The following CNTNAP4 variants were observed in gnomAD, a reference collection of about 807,000 sequenced individuals.
The protein encoded by CNTNAP4 is contactin associated protein family member 4, also known as contactin-associated protein-like 4.
CNTNAP4 carries 98 observed loss-of-function variants against 148.4 expected under a neutral mutation model. That is an observed-to-expected ratio of 0.66 (90% confidence interval 0.56 to 0.78). The LOEUF is 0.78. Among genes scored for constraint, CNTNAP4 ranks in the 30% least tolerant of loss-of-function variants. The pLI is 0.00. For synonymous variants in CNTNAP4, 730 were observed against 565.1 expected, an observed-to-expected ratio of 1.29 and a Z score of -4.14; for missense variants, 1,935 against 1,565.6, an observed-to-expected ratio of 1.24 and a Z score of -3.98.
At chr16:76,394,442 G>C (rs2078128834) in intron 3 of CNTNAP4, among the ~76,000 whole-genome samples, 1 of 152,092 alleles carries the variant, frequency 6.6e-6, no homozygotes, top group East Asian at 1.9e-4. Flanking sequence ...TGCATTTACT[G>C]GTATTGAATT....
In CNTNAP4 at chr16:76,475,930, T is replaced by A. The variant is rs750647612; in HGVS notation, c.1656-9T>A. 2.5e-6 allele frequency: 4 copies of A among 1,605,982 alleles called. No individual in the cohort carries two copies. The South Asian group carries it at 3.3e-5, about 13-fold the overall frequency. On this transcript the variant is annotated splice_polypyrimidine_tract_variant and intron_variant, in intron 10 of 23. Transcript: ENST00000611870. ...GGAAACTGGTGATTGTATCTGCACC[T>A]TCTTTTAGGTGTTTGCCCAACTATT...
chr16:76,461,658 C>T (rs923835291), intron 8 of CNTNAP4, among the ~76,000 whole-genome samples: 2 of 152,102 alleles, frequency 1.3e-5, no homozygotes, highest in African/African-American at 4.8e-5. Context: ...AATTCCTAAA[C>T]CCTTCCTCCC....
chr16:76,514,786 C>T (rs1304681438), intron 15 of CNTNAP4, among the ~76,000 whole-genome samples: 5 of 151,922 alleles, frequency 3.3e-5, no homozygotes, highest in African/African-American at 1.2e-4. Flanking sequence ...ATTATGAAAC[C>T]AATACATAGG....
chr16:76,410,854 T>G (rs2078767882), intron 3 of CNTNAP4, among the ~76,000 whole-genome samples: 1 of 151,612 alleles, frequency 6.6e-6, no homozygotes, highest in African/African-American at 2.4e-5. Context: ...TTGTATTCAC[T>G]AAATCTTAAT....
chr16:76,387,303 A>T (rs1402170517), intron 3 of CNTNAP4, among the ~76,000 whole-genome samples: 1 of 152,196 alleles, frequency 6.6e-6, no homozygotes, highest in South Asian at 2.1e-4. Context: ...AATGTCAAAC[A>T]TTATGGTGAG....
intron 15 of CNTNAP4, among the ~76,000 whole-genome samples, chr16:76,513,059 A>G (rs1358503580): frequency 1.3e-5 from 2 of 152,202 alleles, no homozygotes; most frequent in Non-Finnish European, 1.5e-5. Flanking sequence ...GGGAGAAAGT[A>G]TGATCACGAG....
At chr16:76,288,751 G>C (rs1231698201) in intron 1 of CNTNAP4, among the ~76,000 whole-genome samples, 1 of 152,016 alleles carries the variant, frequency 6.6e-6, no homozygotes, top group African/African-American at 2.4e-5. Context: ...TCAGTAAATG[G>C]GAAAACAATA....
Position 76,540,475 on chromosome 16 carries a change from T to C in CNTNAP4, c.3355-228T>C, listed in dbSNP as rs187561664. On this transcript the variant is annotated intron_variant, in intron 20 of 23. Coordinates refer to ENST00000611870, the MANE Select transcript of CNTNAP4 (RefSeq NM_033401.5). ...GGTAGGGTGCACTGGCATCTGAGGG[T>C]AGTATAGAAATAATACTAATATTGT... Among the ~76,000 whole-genome samples the C allele has an allele frequency of 4.7e-3, 720 of 151,830 alleles. 6 individuals carry two copies. Among genetic ancestry groups the C allele is most frequent in the African/African-American group, 0.017 (699 of 41,464 alleles).
chr16:76,417,731 A>G (rs574518419), intron 3 of CNTNAP4, among the ~76,000 whole-genome samples: 9 of 151,750 alleles, frequency 5.9e-5, no homozygotes, highest in South Asian at 4.1e-4. Context: ...TCTGAGCTAT[A>G]TAACTTTCCT....
chr16:76,512,990 T>G (rs993315878), intron 15 of CNTNAP4, among the ~76,000 whole-genome samples: 1 of 152,060 alleles, frequency 6.6e-6, no homozygotes, highest in Non-Finnish European at 1.5e-5. Flanking sequence ...GATAAAAGCC[T>G]CAGATAGATT....
intron 3 of CNTNAP4, among the ~76,000 whole-genome samples, chr16:76,410,976 C>T (rs6564331): frequency 0.35 from 52,742 of 151,032 alleles, 10,814 homozygotes; most frequent in Non-Finnish European, 0.44. Context: ...GTAAATAAGA[C>T]ATATAGTGTC....
intron 21 of CNTNAP4, among the ~76,000 whole-genome samples, chr16:76,543,839 C>T (rs1170359641): frequency 1.3e-5 from 2 of 152,124 alleles, no homozygotes; most frequent in Non-Finnish European, 2.9e-5. Flanking sequence ...AATTAATCTC[C>T]CTGTAGTTCG....
chr16:76,287,240 G>T (rs1487709541), intron 1 of CNTNAP4, among the ~76,000 whole-genome samples: 1 of 152,132 alleles, frequency 6.6e-6, no homozygotes, highest in African/African-American at 2.4e-5. Flanking sequence ...ATCACAAAAT[G>T]AAACATGATA....
intron 4 of CNTNAP4, among the ~76,000 whole-genome samples, chr16:76,431,497 G>A (rs998340758): frequency 3.3e-5 from 5 of 152,122 alleles, no homozygotes; most frequent in African/African-American, 7.2e-5. Flanking sequence ...TGGCCAACAT[G>A]GCAAAACCCT....
rs530038580 is a variant in CNTNAP4, at chr16:76,454,707, G to T, written c.1333+1938G>T. Among the ~76,000 whole-genome samples the T allele has an allele frequency of 2.0e-5, 3 of 152,168 alleles. No individual in the cohort carries two copies. The South Asian group carries it at 6.2e-4, about 32-fold the overall frequency. ...TGGGAGGTCAGCTTGTTCTCCCAAGGGGAAGACTTTCCATTTATGTTTTAT... is the reference window on the plus strand; with the variant it reads ...TGGGAGGTCAGCTTGTTCTCCCAAGTGGAAGACTTTCCATTTATGTTTTAT... On this transcript the variant is annotated intron_variant, in intron 8 of 23. Coordinates refer to ENST00000611870, the MANE Select transcript of CNTNAP4 (RefSeq NM_033401.5).
chr16:76,411,011 T>C (rs8043608), intron 3 of CNTNAP4, among the ~76,000 whole-genome samples: 52,805 of 151,064 alleles, frequency 0.35, 10,873 homozygotes, highest in Non-Finnish European at 0.44. Context: ...ATATACATTA[T>C]AATATGAAGT....
At chr16:76,334,202 TAAAC>T (rs945133139) in intron 2 of CNTNAP4, among the ~76,000 whole-genome samples, 97 of 146,926 alleles carry the variant, frequency 6.6e-4, no homozygotes, top group Admixed American at 1.8e-3. Context: ...ATAATAATAA[TAAAC>T]AGCCTATTCT....
At chr16:76,534,508 G>A (rs1260235772) in intron 17 of CNTNAP4, among the ~76,000 whole-genome samples, 2 of 152,200 alleles carry the variant, frequency 1.3e-5, no homozygotes, top group African/African-American at 4.8e-5. Flanking sequence ...TTAGGTTAGG[G>A]TACTCTTTTC....
At chr16:76,523,946 A>G (rs2083601224) in intron 17 of CNTNAP4, among the ~76,000 whole-genome samples, 1 of 152,078 alleles carries the variant, frequency 6.6e-6, no homozygotes, top group South Asian at 2.1e-4. Context: ...AACAACAAAG[A>G]AATTATTTTT....
Sources: allele counts gnomAD v4.1 joint callset (sites outside exome capture counted in the v4.1 genomes callset), GRCh38; gene constraint gnomAD v4.1.1; transcripts MANE v1.5; gene names NCBI Gene and HGNC (gene_info 2026-07-23, HGNC 2026-07-21).